The following DENND5B variants were observed in gnomAD, a reference collection of about 807,000 sequenced individuals.
DENND5B encodes DENN domain-containing protein 5B.
Under a neutral mutation model 140.6 loss-of-function variants are expected in DENND5B, and 34 were observed. The observed-to-expected ratio is 0.24, with a 90% confidence interval of 0.18 to 0.32. The LOEUF (loss-of-function observed/expected upper bound fraction) is 0.32, where lower values mean the gene tolerates loss of function less well. Among genes scored for constraint, DENND5B ranks in the 10% least tolerant of loss-of-function variants. The probability of loss-of-function intolerance (pLI) is 1.00; values close to 1 mark genes in which losing one functional copy is unlikely to be tolerated. For synonymous variants in DENND5B, 551 were observed against 562.1 expected (o/e 0.98, Z 0.28); for missense variants, 1,142 against 1,560.2 (o/e 0.73, Z 4.52).
intron 1 of DENND5B, among the ~76,000 whole-genome samples, chr12:31,529,552 A>T (rs1689555284): frequency 6.6e-6 from 1 of 151,896 alleles, no homozygotes; most frequent in African/African-American, 2.4e-5. Flanking sequence ...AACATCCTTT[A>T]GGCTGGGCAC....
intron 3 of DENND5B, among the ~76,000 whole-genome samples, chr12:31,478,640 G>A (rs1463416343): frequency 6.6e-6 from 1 of 152,092 alleles, no homozygotes; most frequent in Non-Finnish European, 1.5e-5. Context: ...TGTCAAGGTT[G>A]CAGTGACCCA....
intron 1 of DENND5B, among the ~76,000 whole-genome samples, chr12:31,516,267 C>A (rs1004092027): frequency 6.6e-6 from 1 of 151,870 alleles, no homozygotes; most frequent in Non-Finnish European, 1.5e-5. Flanking sequence ...CTTGAGCCCA[C>A]GAGTTTGAGA....
At chr12:31,475,834 G>A (rs1180417449) in intron 3 of DENND5B, among the ~76,000 whole-genome samples, 1 of 152,008 alleles carries the variant, frequency 6.6e-6, no homozygotes, top group African/African-American at 2.4e-5. Context: ...CTTAAAAGAG[G>A]AGGTGTGGGC....
intron 1 of DENND5B, among the ~76,000 whole-genome samples, chr12:31,582,209 G>GT (rs971123995): frequency 2.0e-5 from 3 of 152,002 alleles, no homozygotes; most frequent in African/African-American, 4.8e-5. Context: ...GATAAACTTA[G>GT]TTTTTTTACT....
At chr12:31,587,650 C>T (rs1950445321) in intron 1 of DENND5B, among the ~76,000 whole-genome samples, 1 of 144,268 alleles carries the variant, frequency 6.9e-6, no homozygotes, top group South Asian at 2.2e-4. Context: ...TGGGTTCAAG[C>T]GATTCTCCTG....
At chr12:31,569,679 G>A (rs908655180) in intron 1 of DENND5B, among the ~76,000 whole-genome samples, 2 of 152,074 alleles carry the variant, frequency 1.3e-5, no homozygotes. Flanking sequence ...GAGTATGGTG[G>A]TACATGCCTG....
intron 1 of DENND5B, among the ~76,000 whole-genome samples, chr12:31,556,791 G>C (rs1949300590): frequency 6.6e-6 from 1 of 152,082 alleles, no homozygotes; most frequent in Non-Finnish European, 1.5e-5. Flanking sequence ...CTGCCGAACT[G>C]TTTATATTCC....
chr12:31,514,086 T>C (rs529173526), intron 1 of DENND5B, among the ~76,000 whole-genome samples: 1 of 152,106 alleles, frequency 6.6e-6, no homozygotes, highest in South Asian at 2.1e-4. Flanking sequence ...GCTCAAGCAA[T>C]CCTCCCACCT....
chr12:31,471,651 A>G (rs1404194192), intron 3 of DENND5B, among the ~76,000 whole-genome samples: 2 of 151,948 alleles, frequency 1.3e-5, no homozygotes, highest in Non-Finnish European at 2.9e-5. Flanking sequence ...TTTATAGATA[A>G]GTATCATCCA....
intron 17 of DENND5B, among the ~76,000 whole-genome samples, chr12:31,396,064 T>G (rs1215170127): frequency 1.4e-5 from 2 of 142,758 alleles, no homozygotes; most frequent in Admixed American, 7.0e-5. Flanking sequence ...TTGTTTTTTT[T>G]TTTTTTTTTT....
At chr12:31,489,810 G>A (rs950790324) in intron 2 of DENND5B, among the ~76,000 whole-genome samples, 1 of 152,174 alleles carries the variant, frequency 6.6e-6, no homozygotes, top group African/African-American at 2.4e-5. Context: ...GACGGTGGAA[G>A]GTGATGGTCA....
intron 8 of DENND5B, among the ~76,000 whole-genome samples, chr12:31,427,563 G>A (rs185832797): frequency 4.6e-4 from 69 of 150,188 alleles, no homozygotes; most frequent in African/African-American, 1.7e-3. Flanking sequence ...TGGAGATGGC[G>A]TCACTGCACT....
intron 1 of DENND5B, among the ~76,000 whole-genome samples, chr12:31,564,401 T>TGCAAACAAGGATCTAGTGCAAACAAGG (rs1949564764): frequency 6.6e-6 from 1 of 151,818 alleles, no homozygotes; most frequent in African/African-American, 2.4e-5. Context: ...GTAGGAACTG[T>TGCAAACAAGGATCTAGTGCAAACAAGG]TAAGAGTCCA....
chr12:31,569,851 C>T (rs1196883013), intron 1 of DENND5B, among the ~76,000 whole-genome samples: 2 of 151,888 alleles, frequency 1.3e-5, no homozygotes, highest in Admixed American at 6.6e-5. Flanking sequence ...TCACAGTACA[C>T]AGTACTTAGG....
At chr12:31,398,588 C>T (rs568254961) in intron 16 of DENND5B, among the ~76,000 whole-genome samples, 53 of 151,978 alleles carry the variant, frequency 3.5e-4, no homozygotes, top group Non-Finnish European at 6.3e-4. Flanking sequence ...AGGTGTGAGC[C>T]ACTGCACCCG....
In DENND5B at chr12:31,480,253, C is replaced by T. The variant is rs1391809386; in HGVS notation, c.240G>A (p.Leu80=). 2 of 1,510,020 alleles carry T rather than the reference C, an allele frequency of 1.3e-6. No individual in the cohort carries two copies. Among genetic ancestry groups the T allele is most frequent in the Non-Finnish European group, 1.8e-6 (2 of 1,133,676 alleles). 93.5% of individuals were successfully genotyped at this position (1,510,020 alleles called of 1,614,324 possible). A position where few individuals can be genotyped will look rare whatever the true frequency, so the allele number is the denominator to read the frequency against. Residue 80 remains leucine (L), a splice_region_variant and synonymous_variant, in exon 3 of 21, where the codon TTG becomes TTA. Coordinates refer to ENST00000389082, the MANE Select transcript of DENND5B (RefSeq NM_144973.4). ...NPFDQDAVNM[L]CMPKGLSFRT... is the part of the protein sequence containing the mutation. ...TGAAAGATAGCCCTTTAGGCATGCACAACTGTGAAAGAAAGAAAAAAAAAA... is the reference window on the plus strand; with the variant it reads ...TGAAAGATAGCCCTTTAGGCATGCATAACTGTGAAAGAAAGAAAAAAAAAA...
At chr12:31,412,360 G>A (rs895408016) in intron 13 of DENND5B, among the ~76,000 whole-genome samples, 1 of 152,160 alleles carries the variant, frequency 6.6e-6, no homozygotes, top group Admixed American at 6.6e-5. Context: ...CCTTTTTGGC[G>A]CCAGGGACCT....
chr12:31,407,688 T>C (rs1942208368), intron 14 of DENND5B, among the ~76,000 whole-genome samples: 1 of 152,178 alleles, frequency 6.6e-6, no homozygotes, highest in African/African-American at 2.4e-5. Context: ...CTCTCCTTCC[T>C]GCTGGAAGGT....
Position 31,442,881 on chromosome 12 carries a change from T to A in DENND5B, c.1906A>T (p.Ile636Phe). The change falls in exon 7 of 21, where the codon ATC (isoleucine) becomes TTC (phenylalanine). Residue 636 changes from isoleucine (I) to phenylalanine (F), a missense_variant. This residue lies in a region of DENND5B where 708 missense variants were observed against 905.5 expected (regional missense o/e 0.78). Transcript: ENST00000389082. ...TTCATATCAAGTAGATGTGGGTGGA[T>A]TGCAGTGTGATCCATTTTCATCAGT... ...QRLMKMDHTA[I>F]HPHLLDMKIG... The A allele has an allele frequency of 6.2e-7, 1 of 1,604,684 alleles. No individual in the cohort carries two copies. Among genetic ancestry groups the A allele is most frequent in the African/African-American group, 1.3e-5 (1 of 75,012 alleles).
Sources: gnomAD v4.1 joint callset for allele counts (sites outside exome capture counted in the v4.1 genomes callset) on GRCh38, gnomAD v4.1.1 for gene constraint, gnomAD v4.1.1 regional missense constraint, MANE v1.5 for transcripts, NCBI Gene and HGNC (gene_info 2026-07-23, HGNC 2026-07-21) for gene names.